LRP1B: variants seen among roughly 807,000 people sequenced by gnomAD.
LRP1B encodes LDL receptor related protein 1B, also known as low-density lipoprotein receptor-related protein 1B.
Under a neutral mutation model 556.6 loss-of-function variants are expected in LRP1B, and 217 were observed. The ratio of observed to expected loss-of-function variants is 0.39; its 90% CI spans 0.35 to 0.44. LRP1B has a LOEUF of 0.44. LRP1B is among the 20% of genes least tolerant of loss of function. The probability of loss-of-function intolerance (pLI) is 1.00; values close to 1 mark genes in which losing one functional copy is unlikely to be tolerated. For synonymous variants in LRP1B, 2,047 were observed against 1,865.8 expected, an observed-to-expected ratio of 1.10 and a Z score of -2.50; for missense variants, 5,053 against 5,620.8, an observed-to-expected ratio of 0.90 and a Z score of 3.23.
chr2:140,863,517 G>A (rs1692860466), intron 27 of LRP1B, among the ~76,000 whole-genome samples: 1 of 152,114 alleles, frequency 6.6e-6, no homozygotes. Flanking sequence ...ATTTATCCCA[G>A]AGGAAAAAAC....
chr2:140,485,797 T>C (rs1266505050), intron 58 of LRP1B, among the ~76,000 whole-genome samples: 1 of 151,636 alleles, frequency 6.6e-6, no homozygotes, highest in Non-Finnish European at 1.5e-5. Flanking sequence ...TTCACATTTT[T>C]GTTAATCTAT....
chr2:140,918,145 C>CA (rs1352886526), intron 21 of LRP1B, among the ~76,000 whole-genome samples: 3 of 150,898 alleles, frequency 2.0e-5, no homozygotes, highest in Non-Finnish European at 4.4e-5. Context: ...TCCTAGTTTC[C>CA]AAATACATTT....
At chr2:140,650,111 G>A (rs1302663680) in intron 41 of LRP1B, among the ~76,000 whole-genome samples, 2 of 151,646 alleles carry the variant, frequency 1.3e-5, no homozygotes. Context: ...ATTTTTCTTA[G>A]TGCAAATATA....
chr2:141,500,207 A>G (rs573619062), intron 2 of LRP1B, among the ~76,000 whole-genome samples: 1 of 152,228 alleles, frequency 6.6e-6, no homozygotes, highest in African/African-American at 2.4e-5. Flanking sequence ...AGCTTTCCCC[A>G]TATATTTACC....
chr2:140,442,639 G>C lies in LRP1B; in HGVS notation c.10295-16C>G. ...CTGTTTTCAGCTTAGAAAGAAAACTGCCATTAAAATGTAGCTTTGGAGAAC... is the reference window on the plus strand; with the variant it reads ...CTGTTTTCAGCTTAGAAAGAAAACTCCCATTAAAATGTAGCTTTGGAGAAC... On this transcript the variant is annotated splice_polypyrimidine_tract_variant and intron_variant, in intron 65 of 90. Coordinates refer to ENST00000389484, the MANE Select transcript of LRP1B (RefSeq NM_018557.3). 1.2e-6 allele frequency: 2 copies of C among 1,611,232 alleles called. No individual in the cohort carries two copies. The highest frequency in any genetic ancestry group is 1.7e-6 in the Non-Finnish European group (2 of 1,178,884).
At chr2:141,706,859 A>G (rs1692161135) in intron 2 of LRP1B, among the ~76,000 whole-genome samples, 1 of 152,040 alleles carries the variant, frequency 6.6e-6, no homozygotes, top group African/African-American at 2.4e-5. Context: ...ACTACTTAAA[A>G]ACTAGTAATA....
At chr2:142,001,183 TTACCCAGTCTGGGGTATGTC>T (rs2105136580) in intron 1 of LRP1B, among the ~76,000 whole-genome samples, 1 of 152,268 alleles carries the variant, frequency 6.6e-6, no homozygotes, top group Non-Finnish European at 1.5e-5. Flanking sequence ...TCTTTATAAA[TTACCCAGTCTGGGGTATGTC>T]TTTATCAGCA....
intron 7 of LRP1B, among the ~76,000 whole-genome samples, chr2:141,146,386 G>A (rs1457961433): frequency 1.3e-5 from 2 of 152,130 alleles, no homozygotes; most frequent in African/African-American, 4.8e-5. Context: ...TACAGTGAAA[G>A]CACATTATAT....
intron 1 of LRP1B, among the ~76,000 whole-genome samples, chr2:141,939,970 T>A (rs1187721262): frequency 4.6e-5 from 7 of 152,184 alleles, no homozygotes; most frequent in Non-Finnish European, 1.0e-4. Context: ...ATATGCAATA[T>A]CTTTGTGGAA....
intron 3 of LRP1B, among the ~76,000 whole-genome samples, chr2:141,438,512 C>T: frequency 6.6e-6 from 1 of 152,114 alleles, no homozygotes; most frequent in South Asian, 2.1e-4. Context: ...CTCCTATTTC[C>T]TTCAGTCTTT....
chr2:140,834,014 A>G (rs1036282301), intron 31 of LRP1B, among the ~76,000 whole-genome samples: 1 of 152,204 alleles, frequency 6.6e-6, no homozygotes, highest in African/African-American at 2.4e-5. Context: ...ACTATTGTTT[A>G]TTTCAAGATC....
At chr2:141,998,026 A>T (rs532883945) in intron 1 of LRP1B, among the ~76,000 whole-genome samples, 159 of 150,588 alleles carry the variant, frequency 1.1e-3, no homozygotes, top group Admixed American at 3.1e-3. Flanking sequence ...GTATTAAAGT[A>T]AAAAAAGGGT....
intron 6 of LRP1B, among the ~76,000 whole-genome samples, chr2:141,202,779 T>C (rs779893404): frequency 2.6e-5 from 4 of 152,054 alleles, no homozygotes; most frequent in Non-Finnish European, 5.9e-5. Context: ...CTGGGGTACA[T>C]ATGCAGAACG....
intron 7 of LRP1B, among the ~76,000 whole-genome samples, chr2:141,094,500 G>A (rs1700246578): frequency 6.6e-6 from 1 of 152,104 alleles, no homozygotes; most frequent in Non-Finnish European, 1.5e-5. Context: ...AGGATTTTAA[G>A]TGACATACTT....
chr2:141,120,674 T>C (rs1267354881), intron 7 of LRP1B, among the ~76,000 whole-genome samples: 3 of 152,016 alleles, frequency 2.0e-5, no homozygotes, highest in African/African-American at 7.2e-5. Context: ...CTTTAAAGTT[T>C]TATAATTTTA....
intron 71 of LRP1B, among the ~76,000 whole-genome samples, chr2:140,365,087 T>C (rs1432873368): frequency 2.6e-5 from 4 of 151,686 alleles, no homozygotes; most frequent in Non-Finnish European, 1.5e-5. Flanking sequence ...ATAATTTTTA[T>C]GTTACTGAAT....
At chr2:140,871,369 T>G (rs964023518) in intron 25 of LRP1B, among the ~76,000 whole-genome samples, 5 of 106,450 alleles carry the variant, frequency 4.7e-5, no homozygotes, top group Non-Finnish European at 1.1e-4. Context: ...AAATATTTTT[T>G]AAAGGAAAAT....
intron 89 of LRP1B, among the ~76,000 whole-genome samples, chr2:140,236,087 A>G (rs1680685396): frequency 6.6e-6 from 1 of 151,034 alleles, no homozygotes; most frequent in African/African-American, 2.4e-5. Flanking sequence ...GAATTTTAAT[A>G]ACTATAAAAT....
Position 140,247,072 on chromosome 2 carries a change from T to C in LRP1B, c.13324+14A>G, listed in dbSNP as rs1681196844. The stretch of plus-strand genomic sequence containing the variant: ...CAGTGTAGATTACCCAAAATATTAA[T>C]CTGAGAAACTTACTTGTGCTGATAT... On this transcript the variant is annotated intron_variant, in intron 87 of 90. Coordinates refer to ENST00000389484, the MANE Select transcript of LRP1B (RefSeq NM_018557.3). 1.3e-6 allele frequency: 2 copies of C among 1,596,942 alleles called. No individual in the cohort carries two copies. Among genetic ancestry groups the C allele is most frequent in the Non-Finnish European group, 1.7e-6 (2 of 1,166,420 alleles).
Sources: allele counts gnomAD v4.1 joint callset (sites outside exome capture counted in the v4.1 genomes callset), GRCh38; gene constraint gnomAD v4.1.1; transcripts MANE v1.5; gene names NCBI Gene and HGNC (gene_info 2026-07-23, HGNC 2026-07-21).